The following DNAH8 variants were observed in gnomAD, a reference collection of about 807,000 sequenced individuals.
The protein encoded by DNAH8 is dynein axonemal heavy chain 8.
In DNAH8, 382 loss-of-function variants were observed where a neutral mutation model predicts 562.1. The ratio of observed to expected loss-of-function variants is 0.68; its 90% CI spans 0.63 to 0.74. DNAH8 has a LOEUF of 0.74. Ranked by LOEUF, DNAH8 falls within the 30% of genes least tolerant of loss-of-function variation. The probability of loss-of-function intolerance (pLI) is 0.00; values close to 1 mark genes in which losing one functional copy is unlikely to be tolerated. For missense variants in DNAH8, 5,203 were observed against 5,620.4 expected (o/e 0.93, Z 2.37); for synonymous variants, 1,881 against 1,919.4 (o/e 0.98, Z 0.52).
At chr6:38,926,909 A>G (rs1390581922) in intron 74 of DNAH8, among the ~76,000 whole-genome samples, 1 of 152,186 alleles carries the variant, frequency 6.6e-6, no homozygotes, top group Non-Finnish European at 1.5e-5. Flanking sequence ...CCCCAGCTCA[A>G]TATAACCTGT....
At chr6:38,968,034 T>G (rs1462674968) in intron 82 of DNAH8, among the ~76,000 whole-genome samples, 1 of 152,144 alleles carries the variant, frequency 6.6e-6, no homozygotes, top group Non-Finnish European at 1.5e-5. Flanking sequence ...TCTAAGACCA[T>G]GCAATGTTGG....
intron 33 of DNAH8, among the ~76,000 whole-genome samples, chr6:38,839,811 TGCCACCATGCCCG>T (rs2150367135): frequency 6.6e-6 from 1 of 152,186 alleles, no homozygotes; most frequent in East Asian, 1.9e-4. Flanking sequence ...TATAGGCATG[TGCCACCATGCCCG>T]GCTAATTTTA....
At chr6:38,805,237 A>ATCGGGAGGCTG (rs1771159738) in intron 22 of DNAH8, among the ~76,000 whole-genome samples, 1 of 152,238 alleles carries the variant, frequency 6.6e-6, no homozygotes, top group African/African-American at 2.4e-5. Flanking sequence ...AACTTTTCTG[A>ATCGGGAGGCTG]ATTCTAGATT....
At chr6:38,773,512 T>A (rs1582965983) in intron 12 of DNAH8, among the ~76,000 whole-genome samples, 1 of 152,102 alleles carries the variant, frequency 6.6e-6, no homozygotes, top group East Asian at 1.9e-4. Context: ...GTTTGAAGAA[T>A]ACAACTTCAA....
At position 38,750,566 on chromosome 6, in the gene DNAH8, C is replaced by T; in HGVS notation, c.1384C>T (p.Gln462Ter). The T allele has an allele frequency of 6.2e-7, 1 of 1,607,138 alleles. No individual in the cohort carries two copies. The highest frequency in any genetic ancestry group is 8.5e-7 in the Non-Finnish European group (1 of 1,174,530). ...TTTGTATACTTTGGAAAAAGTGTGT[C>T]AACCTCTCTATAACCATGACCTAGT... is the stretch of plus-strand genomic sequence containing the variant. ...RYLYTLEKVC[Q>*]PLYNHDLVSM... Residue 462 changes from glutamine to a stop codon, truncating the protein, a stop_gained, in exon 9 of 93, where the codon CAA becomes TAA. Transcript: ENST00000327475. LOFTEE classifies it high-confidence loss of function.
chr6:38,716,488 C>T (rs1745395586), intron 1 of DNAH8: 1 of 152,228 alleles, frequency 6.6e-6, no homozygotes, highest in Non-Finnish European at 1.5e-5. Flanking sequence ...CCTCTCCTGA[C>T]AACTCTTCTT....
chr6:38,821,437 A>G (rs1423817148), intron 26 of DNAH8, among the ~76,000 whole-genome samples: 2 of 152,228 alleles, frequency 1.3e-5, no homozygotes, highest in African/African-American at 2.4e-5. Flanking sequence ...AAAATCCCAG[A>G]AGACTTTTTT....
At position 38,725,025 on chromosome 6, in the gene DNAH8, G is replaced by T. The variant is rs371974750; in HGVS notation, c.525+1554G>T. The stretch of plus-strand genomic sequence containing the variant: ...GTGCCTAAAAGAGCTACTCCCGGCC[G>T]GGCGCAGTAGCTCACACCTGTAATC... On this transcript the variant is annotated intron_variant, in intron 3 of 92. Coordinates refer to ENST00000327475, the MANE Select transcript of DNAH8 (RefSeq NM_001206927.2). Among the ~76,000 whole-genome samples, 3 of 151,986 alleles carry T rather than the reference G, an allele frequency of 2.0e-5. No individual in the cohort carries two copies. The East Asian group carries it at 5.8e-4, about 30-fold the overall frequency.
chr6:38,946,477 C>T (rs376744415), intron 80 of DNAH8, among the ~76,000 whole-genome samples: 3 of 152,222 alleles, frequency 2.0e-5, no homozygotes, highest in Non-Finnish European at 2.9e-5. Context: ...AGTACAACCA[C>T]AGATGAGTCC....
intron 11 of DNAH8, chr6:38,762,868 C>T (rs79906654): frequency 0.1 from 22,367 of 221,176 alleles, 1,340 homozygotes; most frequent in East Asian, 0.21. Flanking sequence ...CAGGGCACTG[C>T]TATCACCCTT....
At chr6:38,761,963 T>C (rs1766564216) in intron 11 of DNAH8, among the ~76,000 whole-genome samples, 160 bp downstream of exon 11, 1 of 152,190 alleles carries the variant, frequency 6.6e-6, no homozygotes, top group Admixed American at 6.5e-5. Flanking sequence ...TCCCTTTATA[T>C]TTAGTGCTTC....
chr6:39,009,004 G>A (rs1765997726), intron 89 of DNAH8, 34 bp downstream of exon 89: 3 of 1,491,860 alleles, frequency 2.0e-6, no homozygotes, highest in South Asian at 2.4e-5. Context: ...GGCATACAGG[G>A]CTATTTGTAT....
chr6:38,958,935 C>G (rs1318828319), intron 82 of DNAH8, among the ~76,000 whole-genome samples: 1 of 152,080 alleles, frequency 6.6e-6, no homozygotes, highest in Non-Finnish European at 1.5e-5. Flanking sequence ...TCCGAAAGAT[C>G]ATTCACATTG....
intron 32 of DNAH8, among the ~76,000 whole-genome samples, chr6:38,836,957 A>G (rs1273946623): frequency 6.6e-6 from 1 of 152,182 alleles, no homozygotes; most frequent in African/African-American, 2.4e-5. Flanking sequence ...TTTAAACACC[A>G]TTATTTTAAT....
rs113487255 is a variant in DNAH8 at position 38,974,432 on chromosome 6, C to T, written c.12737C>T (p.Thr4246Ile). 12 of 1,613,692 alleles carry T rather than the reference C, an allele frequency of 7.4e-6. No individual in the cohort carries two copies. Among genetic ancestry groups the T allele is most frequent in the Admixed American group, 5.0e-5 (3 of 60,002 alleles). The change falls in exon 85 of 93, where the codon ACA becomes ATA. Residue 4246 changes from threonine (T) to isoleucine (I), a missense_variant. This residue lies in a region of DNAH8 where 1,399 missense variants were observed against 1,518.4 expected (regional missense o/e 0.92). Coordinates refer to ENST00000327475, the MANE Select transcript of DNAH8 (RefSeq NM_001206927.2). ...GGTGTACGCGCAGGTTTGAAAAGAACATTTGCTGGAATTAATCAAGACCTT... is the reference window on the plus strand; with the variant it reads ...GGTGTACGCGCAGGTTTGAAAAGAATATTTGCTGGAATTAATCAAGACCTT... ...PQGVRAGLKR[T>I]FAGINQDLLD...
At chr6:38,868,356 A>T (rs1240092340) in intron 48 of DNAH8, among the ~76,000 whole-genome samples, 160 bp downstream of exon 48, 2 of 152,118 alleles carry the variant, frequency 1.3e-5, no homozygotes, top group Non-Finnish European at 2.9e-5. Context: ...AAAGCAAAAG[A>T]CCCCATGACC....
In DNAH8 at chr6:38,826,273, A is replaced by G; in HGVS notation, c.3965A>G (p.Tyr1322Cys). ...TACATGATAGCATTTATTAATGAAT[A>G]CTTGAAAAAGTTATCTAGACCTATT... ...MSYMIAFINE[Y>C]LKKLSRPIRD... is the part of the protein sequence containing the mutation. Residue 1322 changes from tyrosine (Y) to cysteine (C), a missense_variant, in exon 29 of 93, where the codon TAC (tyrosine) becomes TGC (cysteine). Tyr to Cys is a radical substitution (Grantham distance 194). Transcript: ENST00000327475. 1.2e-6 allele frequency: 2 copies of G among 1,613,492 alleles called. No individual in the cohort carries two copies. Among genetic ancestry groups the G allele is most frequent in the Non-Finnish European group, 1.7e-6 (2 of 1,179,536 alleles).
chr6:38,763,127 C>T lies in DNAH8; in HGVS notation c.1617+1324C>T, dbSNP rs1207388666. ...GATAATGACTACTTCACTTGCATCACTGAAATTATAAAATGTATGACCCAG... is the reference window on the plus strand; with the variant it reads ...GATAATGACTACTTCACTTGCATCATTGAAATTATAAAATGTATGACCCAG... On this transcript the variant is annotated intron_variant, in intron 11 of 92. Coordinates refer to ENST00000327475, the MANE Select transcript of DNAH8 (RefSeq NM_001206927.2). 1.5e-5 allele frequency: 5 copies of T among 325,218 alleles called. 1 individual carries two copies. In the East Asian group the frequency reaches 3.9e-4, roughly 25 times the overall value. 20.1% of individuals were successfully genotyped at this position (325,218 alleles called of 1,614,324 possible). A position where few individuals can be genotyped will look rare whatever the true frequency, so the allele number is the denominator to read the frequency against.
intron 66 of DNAH8, among the ~76,000 whole-genome samples, chr6:38,912,871 G>A (rs995443147): frequency 9.2e-5 from 14 of 151,564 alleles, no homozygotes; most frequent in African/African-American, 2.9e-4. Flanking sequence ...GTGCAATGGC[G>A]TGATCTCTGT....
Sources: allele counts gnomAD v4.1 joint callset (sites outside exome capture counted in the v4.1 genomes callset), GRCh38; gene constraint gnomAD v4.1.1; regional missense constraint gnomAD v4.1.1; transcripts MANE v1.5; gene names NCBI Gene and HGNC (gene_info 2026-07-23, HGNC 2026-07-21).